Variants in GRID2 observed in about 807,000 individuals in gnomAD.
GRID2 encodes glutamate receptor ionotropic, delta-2.
A neutral mutation model predicts 114.8 loss-of-function variants in GRID2; 33 were observed. The ratio of observed to expected loss-of-function variants is 0.29; its 90% CI spans 0.22 to 0.38. The LOEUF is 0.38. GRID2 is among the 10% of genes least tolerant of loss of function. The pLI is 1.00. For synonymous variants in GRID2, 505 were observed against 449.9 expected (o/e 1.12, Z -1.55); for missense variants, 1,184 against 1,257.7 (o/e 0.94, Z 0.89).
At chr4:92,435,080 C>A (rs998442671) in intron 1 of GRID2, among the ~76,000 whole-genome samples, 3 of 152,098 alleles carry the variant, frequency 2.0e-5, no homozygotes, top group Admixed American at 2.0e-4. Context: ...TTCATTTACA[C>A]AGGATTATGT....
intron 10 of GRID2, among the ~76,000 whole-genome samples, chr4:93,444,569 A>C (rs1257616329): frequency 2.6e-5 from 4 of 152,072 alleles, no homozygotes; most frequent in African/African-American, 9.6e-5. Context: ...TCAAACATCT[A>C]TTAATTATAA....
chr4:93,344,955 C>T (rs1161547707), intron 8 of GRID2, among the ~76,000 whole-genome samples: 3 of 150,084 alleles, frequency 2.0e-5, no homozygotes, highest in East Asian at 2.0e-4. Flanking sequence ...GACAGCATTT[C>T]CTTCTTTTTA....
At chr4:93,657,024 G>A (rs912612833) in intron 14 of GRID2, among the ~76,000 whole-genome samples, 11 of 151,834 alleles carry the variant, frequency 7.2e-5, no homozygotes, top group African/African-American at 2.4e-4. Context: ...GGGAAAAGGT[G>A]TCAATGTGTT....
At chr4:93,793,267 A>G (rs1453520892) in intron 1 of GRID2, among the ~76,000 whole-genome samples, 1 of 152,204 alleles carries the variant, frequency 6.6e-6, no homozygotes, top group African/African-American at 2.4e-5. Context: ...GAAAATGTCT[A>G]TACTACAGAA....
intron 14 of GRID2, among the ~76,000 whole-genome samples, chr4:93,677,461 C>T (rs529314129): frequency 5.3e-5 from 8 of 152,298 alleles, no homozygotes; most frequent in East Asian, 3.9e-4. Context: ...GATCTGAGAA[C>T]GGGCAGACTG....
chr4:93,206,750 T>A (rs1312705035), intron 4 of GRID2, among the ~76,000 whole-genome samples: 1 of 152,152 alleles, frequency 6.6e-6, no homozygotes, highest in Non-Finnish European at 1.5e-5. Context: ...CTTTTAAATA[T>A]ATTTTATTTC....
intron 2 of GRID2, among the ~76,000 whole-genome samples, chr4:92,976,761 G>A (rs989168777): frequency 2.6e-5 from 4 of 152,076 alleles, no homozygotes; most frequent in African/African-American, 9.7e-5. Flanking sequence ...CAGAATTGTG[G>A]CTTCAGCATA....
At chr4:93,176,822 C>A (rs1384383319) in intron 4 of GRID2, among the ~76,000 whole-genome samples, 1 of 152,120 alleles carries the variant, frequency 6.6e-6, no homozygotes, top group Non-Finnish European at 1.5e-5. Context: ...TATGTTATCT[C>A]TGAAGTGGGA....
chr4:93,244,297 A>C (rs1002754633), intron 8 of GRID2, among the ~76,000 whole-genome samples: 1 of 151,792 alleles, frequency 6.6e-6, no homozygotes, highest in Admixed American at 6.6e-5. Flanking sequence ...ATATCTTCAT[A>C]AAAGTGTTTT....
intron 1 of GRID2, among the ~76,000 whole-genome samples, chr4:92,334,014 A>G (rs1049751972): frequency 5.9e-5 from 9 of 152,130 alleles, no homozygotes; most frequent in Admixed American, 4.6e-4. Context: ...TATAGGCACA[A>G]GCTACCTAGA....
At chr4:93,145,483 G>GAA (rs1736126845) in intron 4 of GRID2, among the ~76,000 whole-genome samples, 1 of 80,824 alleles carries the variant, frequency 1.2e-5, no homozygotes, top group African/African-American at 7.2e-5. Flanking sequence ...TTTTTTTTGA[G>GAA]ACAGTTTCAC....
At chr4:92,610,286 G>A (rs1332097034) in intron 2 of GRID2, among the ~76,000 whole-genome samples, 3 of 151,622 alleles carry the variant, frequency 2.0e-5, no homozygotes, top group Non-Finnish European at 3.0e-5. Context: ...AAGATAGGAG[G>A]AACATGATTC....
Position 92,456,791 on chromosome 4 carries a change from C to T in GRID2, c.89-133340C>T, listed in dbSNP as rs527330233. ...TCCATTTCTCCTTACTTCTTCCTGG[C>T]ATGCTATGATAACAACTTAACTATG... On this transcript the variant is annotated intron_variant, in intron 1 of 15. Transcript: ENST00000282020. Among the ~76,000 whole-genome samples the T allele has an allele frequency of 1.1e-4, 16 of 152,238 alleles. No homozygotes were observed. The South Asian group carries it at 3.1e-3, about 30-fold the overall frequency.
At chr4:93,274,087 A>G (rs1360255942) in intron 8 of GRID2, among the ~76,000 whole-genome samples, 1 of 152,062 alleles carries the variant, frequency 6.6e-6, no homozygotes, top group Non-Finnish European at 1.5e-5. Flanking sequence ...TATTTTTGTA[A>G]CTATTTTGAA....
At chr4:92,541,368 C>G (rs1426520833) in intron 1 of GRID2, among the ~76,000 whole-genome samples, 2 of 150,838 alleles carry the variant, frequency 1.3e-5, no homozygotes, top group Non-Finnish European at 3.0e-5. Context: ...ATTTTTTGGT[C>G]AAAGAAATCA....
chr4:93,770,167 A>C (rs1275640239), intron 15 of GRID2, among the ~76,000 whole-genome samples: 2 of 152,220 alleles, frequency 1.3e-5, no homozygotes, highest in Admixed American at 1.3e-4. Flanking sequence ...AGAAAATCTG[A>C]AGCTAAATCT....
At chr4:92,980,174 T>C (rs1754105407) in intron 2 of GRID2, among the ~76,000 whole-genome samples, 1 of 152,128 alleles carries the variant, frequency 6.6e-6, no homozygotes, top group African/African-American at 2.4e-5. Context: ...TATTTTATCT[T>C]TACATTTGAT....
At chr4:92,544,196 G>C (rs540059312) in intron 1 of GRID2, among the ~76,000 whole-genome samples, 2 of 152,176 alleles carry the variant, frequency 1.3e-5, no homozygotes, top group South Asian at 4.2e-4. Context: ...ACCCCTGACT[G>C]TTTGCTTAAA....
At chr4:93,380,207 G>A (rs1326302034) in intron 8 of GRID2, among the ~76,000 whole-genome samples, 1 of 151,910 alleles carries the variant, frequency 6.6e-6, no homozygotes, top group Non-Finnish European at 1.5e-5. Flanking sequence ...AGACATACGG[G>A]GATTTAAAAC....
Sources: allele counts gnomAD v4.1 joint callset (sites outside exome capture counted in the v4.1 genomes callset), GRCh38; gene constraint gnomAD v4.1.1; transcripts MANE v1.5; gene names NCBI Gene and HGNC (gene_info 2026-07-23, HGNC 2026-07-21).